The following COL13A1 variants were observed in gnomAD, a reference collection of about 807,000 sequenced individuals.
The protein encoded by COL13A1 is collagen type XIII alpha 1 chain, also known as collagen alpha-1(XIII) chain.
Under a neutral mutation model 130.9 loss-of-function variants are expected in COL13A1, and 89 were observed. That is an observed-to-expected ratio of 0.68 (90% CI 0.57 to 0.81). The LOEUF is 0.81. COL13A1 is among the 30% of genes least tolerant of loss of function. The pLI is 0.00. For missense variants in COL13A1, 879 were observed against 934.6 expected (o/e 0.94, Z 0.78); for synonymous variants, 402 against 341.6 (o/e 1.18, Z -1.95).
intron 14 of COL13A1, among the ~76,000 whole-genome samples, chr10:69,899,926 A>G (rs903769691): frequency 2.0e-5 from 3 of 152,206 alleles, no homozygotes; most frequent in African/African-American, 7.2e-5. Flanking sequence ...AAGGGCCTAG[A>G]TGTTCAGGCA....
In COL13A1 at chr10:69,885,867, C is replaced by A. The variant is rs1392159985; in HGVS notation, c.514-1589C>A. Among the ~76,000 whole-genome samples, 4 of 152,130 alleles carry A rather than the reference C, an allele frequency of 2.6e-5. No individual in the cohort carries two copies. In the East Asian group the frequency reaches 7.7e-4, roughly 29 times the overall value. ...TCCGATAGATGAGTGGGATCTCCTCCCTCGTGCCCTTTTGGTTGGCTGCCA... is the reference window on the plus strand; with the variant it reads ...TCCGATAGATGAGTGGGATCTCCTCACTCGTGCCCTTTTGGTTGGCTGCCA... On this transcript the variant is annotated intron_variant, in intron 7 of 40. Transcript: ENST00000645393.
At chr10:69,943,469 A>G (rs746183557) in intron 35 of COL13A1, among the ~76,000 whole-genome samples, 1 of 152,132 alleles carries the variant, frequency 6.6e-6, no homozygotes, top group Non-Finnish European at 1.5e-5. Context: ...GTGAGCTCCA[A>G]TGGCTCCAGC....
chr10:69,923,063 C>T (rs2064889980), intron 23 of COL13A1, among the ~76,000 whole-genome samples: 2 of 152,188 alleles, frequency 1.3e-5, no homozygotes, highest in Non-Finnish European at 2.9e-5. Flanking sequence ...GTAACTGAGT[C>T]AGGGCGCAAT....
At chr10:69,827,906 G>A (rs907911929) in intron 2 of COL13A1, among the ~76,000 whole-genome samples, 4 of 151,982 alleles carry the variant, frequency 2.6e-5, no homozygotes, top group Non-Finnish European at 4.4e-5. Context: ...CGCAGACCCC[G>A]AGCCCCGCTT....
chr10:69,923,822 C>A lies in COL13A1; in HGVS notation c.1251C>A (p.Gly417=). Residue 417 remains glycine (G), a synonymous_variant, in exon 24 of 41, where the codon GGC becomes GGA. Coordinates refer to ENST00000645393, the MANE Select transcript of COL13A1 (RefSeq NM_001368882.1). ...CCCAGGGAGAAGCAGGTGTCGATGGCCAGGTTGGCCCCCCAGGGCAGCCAG... is the reference window on the plus strand; with the variant it reads ...CCCAGGGAGAAGCAGGTGTCGATGGACAGGTTGGCCCCCCAGGGCAGCCAG... ...PGPKGEAGVD[G]QVGPPGQPGD... The A allele has an allele frequency of 6.2e-7, 1 of 1,611,628 alleles. No individual in the cohort carries two copies. Among genetic ancestry groups the A allele is most frequent in the Non-Finnish European group, 8.5e-7 (1 of 1,179,074 alleles).
At chr10:69,922,105 A>C (rs905753330) in intron 22 of COL13A1, among the ~76,000 whole-genome samples, 170 bp downstream of exon 22, 6 of 152,184 alleles carry the variant, frequency 3.9e-5, no homozygotes, top group East Asian at 1.9e-4. Flanking sequence ...TGCCATAGGC[A>C]GGCCCTGATT....
At chr10:69,947,697 C>T (rs1394454764) in intron 38 of COL13A1, among the ~76,000 whole-genome samples, 1 of 152,210 alleles carries the variant, frequency 6.6e-6, no homozygotes, top group Non-Finnish European at 1.5e-5. Context: ...TGTCCTTGCC[C>T]TCTGAAACTT....
intron 29 of COL13A1, 74 bp downstream of exon 29, chr10:69,930,161 G>C (rs529841626): frequency 2.1e-5 from 31 of 1,510,424 alleles, no homozygotes; most frequent in South Asian, 1.7e-4. Context: ...GGGCAGGAAG[G>C]CTCTAGAATT....
At chr10:69,836,910 A>G (rs1850223857) in intron 2 of COL13A1, among the ~76,000 whole-genome samples, 1 of 140,684 alleles carries the variant, frequency 7.1e-6, no homozygotes, top group African/African-American at 2.6e-5. Context: ...CCAGCTTCCC[A>G]TGTAGTTATG....
At position 69,889,088 on chromosome 10, in the gene COL13A1, T is replaced by C. The variant is rs2060896155; in HGVS notation, c.577-326T>C. On this transcript the variant is annotated intron_variant, in intron 9 of 40. Coordinates refer to ENST00000645393, the MANE Select transcript of COL13A1 (RefSeq NM_001368882.1). ...GGGTGCCAGCAATCATTTCCACTCA[T>C]GTCACGGGACCAGGCATCCCCCGAA... is the stretch of plus-strand genomic sequence containing the variant. Among the ~76,000 whole-genome samples the C allele has an allele frequency of 3.3e-5, 5 of 152,166 alleles. No homozygotes were observed. In the South Asian group the frequency reaches 1.0e-3, roughly 32 times the overall value.
intron 14 of COL13A1, among the ~76,000 whole-genome samples, chr10:69,899,136 A>G (rs1034972523): frequency 6.6e-6 from 1 of 152,204 alleles, no homozygotes; most frequent in Non-Finnish European, 1.5e-5. Flanking sequence ...CCAAGGTCAC[A>G]CAGCCAGTAC....
intron 2 of COL13A1, among the ~76,000 whole-genome samples, chr10:69,839,295 G>A (rs1850942817): frequency 2.0e-5 from 3 of 152,210 alleles, no homozygotes. Context: ...CCTGCTTCCA[G>A]TGTAATGAGA....
intron 30 of COL13A1, 133 bp downstream of exon 30, chr10:69,930,685 G>A: frequency 9.6e-7 from 1 of 1,041,232 alleles, no homozygotes; most frequent in South Asian, 1.9e-5. Context: ...GCTTAGGGGT[G>A]GAGGATTCAC....
At chr10:69,903,949 C>T (rs892433160) in intron 15 of COL13A1, among the ~76,000 whole-genome samples, 5 of 152,162 alleles carry the variant, frequency 3.3e-5, no homozygotes, top group African/African-American at 7.2e-5. Context: ...CTTCCTGGGC[C>T]GGGCCACAGC....
chr10:69,860,291 C>T (rs1023004215), intron 2 of COL13A1, among the ~76,000 whole-genome samples: 2 of 152,158 alleles, frequency 1.3e-5, no homozygotes, highest in African/African-American at 4.8e-5. Flanking sequence ...TCAGGGACAG[C>T]GGGTGACCTT....
intron 17 of COL13A1, among the ~76,000 whole-genome samples, chr10:69,916,457 A>T (rs1286472637): frequency 1.3e-5 from 2 of 152,128 alleles, no homozygotes; most frequent in East Asian, 3.9e-4. Flanking sequence ...CACTCCCCTG[A>T]TGTAGCCGAT....
At chr10:69,887,858 G>C (rs762745242) in intron 8 of COL13A1, among the ~76,000 whole-genome samples, 3 of 152,216 alleles carry the variant, frequency 2.0e-5, no homozygotes, top group Admixed American at 6.5e-5. Flanking sequence ...GATCCAGCGA[G>C]GGGGAGGCAG....
intron 1 of COL13A1, among the ~76,000 whole-genome samples, chr10:69,813,124 A>G (rs2704495): frequency 0.17 from 25,799 of 152,154 alleles, 2,450 homozygotes; most frequent in Non-Finnish European, 0.22. Context: ...GATAGTCAAT[A>G]CCCATTTGTG....
intron 14 of COL13A1, among the ~76,000 whole-genome samples, chr10:69,900,057 G>A (rs917789435): frequency 3.0e-4 from 46 of 152,112 alleles, no homozygotes; most frequent in African/African-American, 1.2e-4. Context: ...CCAAATCCTC[G>A]AGAGCCTCCG....
Sources: gnomAD v4.1 joint callset for allele counts (sites outside exome capture counted in the v4.1 genomes callset) on GRCh38, gnomAD v4.1.1 for gene constraint, MANE v1.5 for transcripts, NCBI Gene and HGNC (gene_info 2026-07-23, HGNC 2026-07-21) for gene names.